The following ARID1B variants were observed in gnomAD, a reference collection of about 807,000 sequenced individuals.
ARID1B encodes the protein AT-rich interactive domain-containing protein 1B.
A neutral mutation model predicts 212.3 loss-of-function variants in ARID1B; 30 were observed. That is an observed-to-expected ratio of 0.14 (90% CI 0.11 to 0.19). ARID1B has a LOEUF of 0.19. Ranked by LOEUF, ARID1B falls within the 10% of genes least tolerant of loss-of-function variation. The probability of loss-of-function intolerance (pLI) is 1.00; values close to 1 mark genes in which losing one functional copy is unlikely to be tolerated. For missense variants in ARID1B, 2,891 were observed against 3,204.0 expected (o/e 0.90, Z 2.36); for synonymous variants, 1,402 against 1,301.7 (o/e 1.08, Z -1.66).
intron 9 of ARID1B, among the ~76,000 whole-genome samples, chr6:157,171,351 A>G (rs927541384): frequency 6.6e-6 from 1 of 152,218 alleles, no homozygotes; most frequent in Non-Finnish European, 1.5e-5. Flanking sequence ...TACTCGTGTC[A>G]ATAGGAGAAG....
At chr6:156,809,626 A>G (rs1298187621) in intron 1 of ARID1B, among the ~76,000 whole-genome samples, 4 of 148,410 alleles carry the variant, frequency 2.7e-5, no homozygotes, top group Non-Finnish European at 6.0e-5. Context: ...TTACTGGGTT[A>G]GATGTAGGTT....
chr6:156,943,241 G>A (rs1322582795), intron 4 of ARID1B: 1 of 152,158 alleles, frequency 6.6e-6, no homozygotes, highest in Non-Finnish European at 1.5e-5. Context: ...TTGTTACTGT[G>A]TGAAAGAAGA....
intron 2 of ARID1B, among the ~76,000 whole-genome samples, chr6:156,832,080 G>GA (rs1399678807): frequency 1.3e-5 from 2 of 152,272 alleles, no homozygotes; most frequent in African/African-American, 4.8e-5. Context: ...ACATTTTAAA[G>GA]AAGACATACA....
intron 16 of ARID1B, 24 bp downstream of exon 16, chr6:157,196,339 T>C (rs1793725607): frequency 1.3e-6 from 2 of 1,579,116 alleles, no homozygotes; most frequent in South Asian, 1.2e-5. Context: ...AAGATGACAA[T>C]ATGATGATTT....
intron 1 of ARID1B, among the ~76,000 whole-genome samples, chr6:156,819,801 C>G (rs931417407): frequency 6.6e-6 from 1 of 152,146 alleles, no homozygotes; most frequent in Non-Finnish European, 1.5e-5. Flanking sequence ...GAGGGCTCCT[C>G]TAAGGACATG....
chr6:157,035,437 A>G (rs1037728072), intron 4 of ARID1B, among the ~76,000 whole-genome samples: 7 of 152,226 alleles, frequency 4.6e-5, no homozygotes, highest in Admixed American at 1.3e-4. Context: ...TTTAAAAAAT[A>G]GTTGAGGTTA....
chr6:157,071,856 T>C (rs1784025060), intron 4 of ARID1B: 1 of 152,244 alleles, frequency 6.6e-6, no homozygotes, highest in Non-Finnish European at 1.5e-5. Context: ...AGACTGGGGC[T>C]GTTATTATCA....
intron 7 of ARID1B, among the ~76,000 whole-genome samples, chr6:157,133,417 T>G (rs1024583623): frequency 6.6e-6 from 1 of 152,252 alleles, no homozygotes; most frequent in Non-Finnish European, 1.5e-5. Context: ...GAAACATTTA[T>G]GTATCAGACA....
chr6:157,208,696 A>G lies in ARID1B; in HGVS notation c.*805A>G, dbSNP rs549575132. On this transcript the variant is annotated 3_prime_UTR_variant, in exon 20 of 20. Transcript: ENST00000636930. ...TATATAGAAGTTGTACATTAAACAT[A>G]CCCTCATTTTTTTCTTTTCTTTTTT... 8 of 216,876 alleles carry G rather than the reference A, an allele frequency of 3.7e-5. No individual in the cohort carries two copies. The highest frequency in any genetic ancestry group is 1.7e-4 in the African/African-American group (7 of 40,424). 13.4% of individuals were successfully genotyped at this position (216,876 alleles called of 1,614,324 possible). A position where few individuals can be genotyped will look rare whatever the true frequency, so the allele number is the denominator to read the frequency against.
chr6:157,166,441 C>G (rs1002515155), intron 8 of ARID1B: 2 of 152,210 alleles, frequency 1.3e-5, no homozygotes, highest in Non-Finnish European at 2.9e-5. Flanking sequence ...AAAGCCCAAC[C>G]AACAAGAAGT....
intron 1 of ARID1B, among the ~76,000 whole-genome samples, chr6:156,785,961 C>T (rs1488281919): frequency 6.6e-6 from 1 of 152,054 alleles, no homozygotes; most frequent in African/African-American, 2.4e-5. Flanking sequence ...GTTTCACTGC[C>T]AGTTATGTTA....
chr6:157,163,054 C>T (rs561827095), intron 8 of ARID1B, among the ~76,000 whole-genome samples: 9 of 152,260 alleles, frequency 5.9e-5, no homozygotes, highest in Non-Finnish European at 1.0e-4. Flanking sequence ...AAACATTCTG[C>T]TCGTTTCAAT....
intron 4 of ARID1B, among the ~76,000 whole-genome samples, chr6:157,032,049 G>A (rs571065966): frequency 7.2e-5 from 11 of 152,218 alleles, no homozygotes; most frequent in Admixed American, 3.3e-4. Context: ...CTCCTGCCTC[G>A]GCCTGCCAAA....
intron 2 of ARID1B, among the ~76,000 whole-genome samples, chr6:156,868,899 A>G (rs1310590205): frequency 6.6e-6 from 1 of 152,238 alleles, no homozygotes; most frequent in Non-Finnish European, 1.5e-5. Context: ...GCTAATGTGA[A>G]AGAAGAATTC....
intron 4 of ARID1B, among the ~76,000 whole-genome samples, chr6:156,999,029 G>C (rs369779157): frequency 6.6e-6 from 1 of 152,192 alleles, no homozygotes; most frequent in Admixed American, 6.5e-5. Context: ...TCTCTCTTCA[G>C]TGGTGACTTT....
rs371884322 is a variant in ARID1B at position 156,916,826 on chromosome 6, TA to T, written c.2136+15303del. ...TACTGGAAGAGACCTCCTTTCCTGT[TA>T]AGGCACACATTTCTCCAGGAACCTT... On this transcript the variant is annotated intron_variant, in intron 3 of 19. Transcript: ENST00000636930. 1.2e-3 allele frequency among the ~76,000 whole-genome samples: 186 copies of T among 152,256 alleles called. 4 individuals carry two copies. The South Asian group carries it at 0.037, about 30-fold the overall frequency.
chr6:156,935,037 A>T (rs917489894), intron 3 of ARID1B, among the ~76,000 whole-genome samples: 2 of 149,742 alleles, frequency 1.3e-5, no homozygotes, highest in African/African-American at 4.9e-5. Context: ...TAGCCATAAC[A>T]TATTTATATG....
In ARID1B at chr6:157,193,108, A is replaced by C. The variant is rs1357236037; in HGVS notation, c.4231+2898A>C. On this transcript the variant is annotated intron_variant, in intron 15 of 19. Coordinates refer to ENST00000636930, the MANE Select transcript of ARID1B (RefSeq NM_001374828.1). ...ACTGATTGAGGCATTGATTGATTAC[A>C]TATAAATGAACATCATTTTATATGT... 3.9e-5 allele frequency among the ~76,000 whole-genome samples: 6 copies of C among 152,352 alleles called. No individual in the cohort carries two copies. In the East Asian group the frequency reaches 1.2e-3, roughly 29 times the overall value.
intron 4 of ARID1B, among the ~76,000 whole-genome samples, chr6:156,970,825 C>A (rs971245666): frequency 6.6e-6 from 1 of 152,218 alleles, no homozygotes; most frequent in Non-Finnish European, 1.5e-5. Flanking sequence ...GGGGGCCCAT[C>A]TTATGCTGGA....
Sources: allele counts gnomAD v4.1 joint callset (sites outside exome capture counted in the v4.1 genomes callset), GRCh38; gene constraint gnomAD v4.1.1; transcripts MANE v1.5; gene names NCBI Gene and HGNC (gene_info 2026-07-23, HGNC 2026-07-21).